GOLGA6L2: variants seen among roughly 807,000 people sequenced by gnomAD.
GOLGA6L2 encodes the protein golgin subfamily A member 6-like protein 2.
In GOLGA6L2, 30 loss-of-function variants were observed where a neutral mutation model predicts 35.9. The observed-to-expected ratio is 0.83, with a 90% confidence interval of 0.62 to 1.13. GOLGA6L2 has a LOEUF of 1.13. GOLGA6L2 is among the 50% of genes most tolerant of loss of function. The pLI, the probability that GOLGA6L2 is intolerant of heterozygous loss-of-function variation, is 0.00. For missense variants in GOLGA6L2, 821 were observed against 973.4 expected (o/e 0.84, Z 2.08); for synonymous variants, 297 against 344.0 (o/e 0.86, Z 1.51).
At position 23,439,495 on chromosome 15, in the gene GOLGA6L2, T is replaced by G; in HGVS notation, c.*250A>C. 1.0e-6 allele frequency: 1 copy of G among 993,564 alleles called. No individual in the cohort carries two copies. The highest frequency in any genetic ancestry group is 1.5e-5 in the South Asian group (1 of 65,716). The allele number at this position is 993,564 out of a possible 1,614,324, so 61.5% of individuals were successfully genotyped here. On this transcript the variant is annotated 3_prime_UTR_variant, in exon 8 of 8. Coordinates refer to ENST00000567107, the MANE Select transcript of GOLGA6L2 (RefSeq NM_001304388.2). ...TTGTGCTCAGACTATATTCACACAGTGACATGGCGGCTTATGCTTCTGTAG... is the reference window on the plus strand; with the variant it reads ...TTGTGCTCAGACTATATTCACACAGGGACATGGCGGCTTATGCTTCTGTAG...
Position 23,441,110 on chromosome 15 carries a change from C to T in GOLGA6L2, c.1365G>A (p.Arg455=), listed in dbSNP as rs1191698153. The T allele has an allele frequency of 1.4e-4, 208 of 1,530,704 alleles. No individual in the cohort carries two copies. The highest frequency in any genetic ancestry group is 3.0e-4 in the Admixed American group (15 of 50,236). The allele number at this position is 1,530,704 out of a possible 1,614,324, so 94.8% of individuals were successfully genotyped here. A position where few individuals can be genotyped will look rare whatever the true frequency, so the allele number is the denominator to read the frequency against. Residue 455 remains arginine (R), a synonymous_variant, in exon 8 of 8, where the codon CGG becomes CGA. Coordinates refer to ENST00000567107, the MANE Select transcript of GOLGA6L2 (RefSeq NM_001304388.2). ...CCTCCTCTTCCCGCATCTTCTTCTC[C>T]CGCTCCCGTATCCTCTCCTCCTCTT... is the stretch of plus-strand genomic sequence containing the variant. ...KMQEEERIRE[R]EKKMREEEET...
At position 23,444,632 on chromosome 15, in the gene GOLGA6L2, G is replaced by A. The variant is rs919166149; in HGVS notation, c.214-132C>T. The A allele has an allele frequency of 2.1e-5, 16 of 758,438 alleles. 1 individual carries two copies. Among genetic ancestry groups the A allele is most frequent in the Middle Eastern group, 7.2e-4 (2 of 2,768 alleles). The allele number at this position is 758,438 out of a possible 1,614,324, so 47.0% of individuals were successfully genotyped here. On this transcript the variant is annotated intron_variant, in intron 2 of 7. Transcript: ENST00000567107. The stretch of plus-strand genomic sequence containing the variant: ...TTCTCAGACCCAATGGGAACATGAA[G>A]TGGTAAACTCTCAACTCCCAAAGAA...
At position 23,441,345 on chromosome 15, in the gene GOLGA6L2, C is replaced by A; in HGVS notation, c.1130G>T (p.Arg377Met). 6.5e-7 allele frequency: 1 copy of A among 1,528,466 alleles called. No homozygotes were observed. The highest frequency in any genetic ancestry group is 8.8e-7 in the Non-Finnish European group (1 of 1,141,874). The allele number at this position is 1,528,466 out of a possible 1,614,324, so 94.7% of individuals were successfully genotyped here. The change falls in exon 8 of 8, where the codon AGG becomes ATG. Residue 377 changes from arginine to methionine, a missense_variant. By Grantham distance (91) the Arg-to-Met change is moderately conservative. Coordinates refer to ENST00000567107, the MANE Select transcript of GOLGA6L2 (RefSeq NM_001304388.2). The stretch of plus-strand genomic sequence containing the variant: ...CATCTGCTTCTCCTGCTCCCACAGC[C>A]TCTCCTCCTGTCTCCACATCTTCTC... ...QEEKMWRQEE[R>M]LWEQEKQMRE... is the part of the protein sequence containing the mutation.
intron 3 of GOLGA6L2, 71 bp downstream of exon 3, chr15:23,444,400 T>C (rs1596041853): frequency 4.5e-6 from 7 of 1,539,352 alleles, no homozygotes; most frequent in Non-Finnish European, 2.7e-6. Flanking sequence ...GTAGGCGAGA[T>C]GAGACGGGCC....
chr15:23,443,325 A>C (rs1402846993), intron 5 of GOLGA6L2, among the ~76,000 whole-genome samples: 1 of 152,058 alleles, frequency 6.6e-6, no homozygotes, highest in African/African-American at 2.4e-5. Flanking sequence ...CTGTCTCCTG[A>C]GTTTTTTATG....
In GOLGA6L2 at chr15:23,441,247, CCTT is replaced by C; in HGVS notation, c.1225_1227del (p.Lys409del). 1 of 1,539,330 alleles carries C rather than the reference CCTT, an allele frequency of 6.5e-7. No homozygotes were observed. Among genetic ancestry groups the C allele is most frequent in the Non-Finnish European group, 8.7e-7 (1 of 1,146,548 alleles). ...TTCTCCTGCTCCCGCATCCTCTCCTCCTTCTCCCGTAGCCTCTCGTCCTGCTCC... is the reference window on the plus strand; with the variant it reads ...TTCTCCTGCTCCCGCATCCTCTCCTCCTCCCGTAGCCTCTCGTCCTGCTCC... On this transcript the variant is annotated inframe_deletion, in exon 8 of 8. Coordinates refer to ENST00000567107, the MANE Select transcript of GOLGA6L2 (RefSeq NM_001304388.2).
Position 23,444,059 on chromosome 15 carries a change from T to C in GOLGA6L2, c.309A>G (p.Thr103=). Residue 103 remains threonine (T), a synonymous_variant, in exon 5 of 8, where the codon ACA becomes ACG. Coordinates refer to ENST00000567107, the MANE Select transcript of GOLGA6L2 (RefSeq NM_001304388.2). ...LRREIEAQDH[T]IRILTCQKTE... ...TTTTCTGACACGTGAGAATTCGTAT[T>C]GTATGATCCTGGGCCTTTGGGAGAA... 6.4e-7 allele frequency: 1 copy of C among 1,563,484 alleles called. No homozygotes were observed.
rs768700904 is a variant in GOLGA6L2 at position 23,443,866 on chromosome 15, C to A, written c.502G>T (p.Ala168Ser). 9 of 1,541,306 alleles carry A rather than the reference C, an allele frequency of 5.8e-6. No homozygotes were observed. The highest frequency in any genetic ancestry group is 7.8e-6 in the Non-Finnish European group (9 of 1,149,934). ...SLIPGESKDL[A>S]GRLHHSWHFA... ...TGCCAGGAATGATGCAAGCGGCCGG[C>A]GAGATCCTTGGACTCTCCTGGAATG... Residue 168 changes from alanine to serine, a missense_variant, in exon 5 of 8, where the codon GCC (alanine) becomes TCC (serine). Coordinates refer to ENST00000567107, the MANE Select transcript of GOLGA6L2 (RefSeq NM_001304388.2).
At position 23,443,917 on chromosome 15, in the gene GOLGA6L2, G is replaced by C. The variant is rs1397198898; in HGVS notation, c.451C>G (p.Pro151Ala). 1 of 1,549,426 alleles carries C rather than the reference G, an allele frequency of 6.5e-7. No individual in the cohort carries two copies. The highest frequency in any genetic ancestry group is 8.7e-7 in the Non-Finnish European group (1 of 1,153,982). The change falls in exon 5 of 8, where the codon CCT becomes GCT. Residue 151 changes from proline (P) to alanine (A), a missense_variant. Coordinates refer to ENST00000567107, the MANE Select transcript of GOLGA6L2 (RefSeq NM_001304388.2). ...LALSQAFRGS[P>A]LGCVSTSLIP... ...AGAGAGGTTGAGACACAGCCCAAAG[G>C]ACTCCCCCTAAAGGCCTGTGAAAGT...
chr15:23,446,972 A>G, intron 1 of GOLGA6L2, 126 bp downstream of exon 1: 1 of 579,506 alleles, frequency 1.7e-6, no homozygotes, highest in Non-Finnish European at 3.1e-6. Flanking sequence ...GGGGGAGCCC[A>G]GCGGCACTGG....
intron 6 of GOLGA6L2, 137 bp from the exon 7 acceptor site, chr15:23,442,257 G>A (rs1349467373): frequency 4.2e-6 from 5 of 1,199,250 alleles, no homozygotes; most frequent in African/African-American, 3.0e-5. Flanking sequence ...GTCCCAGGTG[G>A]CAGGCCAGAG....
chr15:23,443,798 T>A lies in GOLGA6L2; in HGVS notation c.570A>T (p.Thr190=). ...TTACCCTGTCTGCCTTCTTGTGCCATGTGGACACAGCAGAGAGAGCCCGCT... is the reference window on the plus strand; with the variant it reads ...TTACCCTGTCTGCCTTCTTGTGCCAAGTGGACACAGCAGAGAGAGCCCGCT... The part of the protein sequence containing the change: ...ELQRALSAVS[T]WHKKADRYIE... The change falls in exon 5 of 8, where the codon ACA becomes ACT. Residue 190 remains threonine (T), a synonymous_variant. Coordinates refer to ENST00000567107, the MANE Select transcript of GOLGA6L2 (RefSeq NM_001304388.2). 2.6e-6 allele frequency: 4 copies of A among 1,538,896 alleles called. No individual in the cohort carries two copies. The highest frequency in any genetic ancestry group is 1.2e-5 in the South Asian group (1 of 84,160).
Position 23,439,453 on chromosome 15 carries a change from T to C in GOLGA6L2, c.*292A>G, listed in dbSNP as rs1223215680. The stretch of plus-strand genomic sequence containing the variant: ...TTAAAGTAAATTTTCTTTTCTTTTT[T>C]TTTTTTTTTTTCAAGTTTGTGCTCA... On this transcript the variant is annotated 3_prime_UTR_variant, in exon 8 of 8. Transcript: ENST00000567107. 15 of 677,014 alleles carry C rather than the reference T, an allele frequency of 2.2e-5. No homozygotes were observed. Among genetic ancestry groups the C allele is most frequent in the East Asian group, 1.2e-4 (3 of 25,100 alleles). 41.9% of individuals were successfully genotyped at this position (677,014 alleles called of 1,614,324 possible).
rs2070725415 is a variant in GOLGA6L2 at position 23,443,780 on chromosome 15, G to A, written c.588C>T (p.Asp196=). ...SAVSTWHKKA[D]RYIEELTKER... is the part of the protein sequence containing the mutation. ...CTGGGGAGGTGATTGGACTTACCCT[G>A]TCTGCCTTCTTGTGCCATGTGGACA... Residue 196 remains aspartate (D), a synonymous_variant, in exon 5 of 8, where the codon GAC becomes GAT. Transcript: ENST00000567107. The A allele has an allele frequency of 3.3e-6, 5 of 1,536,712 alleles. No individual in the cohort carries two copies. Among genetic ancestry groups the A allele is most frequent in the Non-Finnish European group, 4.4e-6 (5 of 1,147,034 alleles).
In GOLGA6L2 at chr15:23,441,090, TC is replaced by T. The variant is rs1946540224; in HGVS notation, c.1384del (p.Glu462ArgfsTer516). The T allele has an allele frequency of 1.3e-6, 2 of 1,532,668 alleles. No individual in the cohort carries two copies. Among genetic ancestry groups the T allele is most frequent in the African/African-American group, 2.8e-5 (2 of 72,092 alleles). 94.9% of individuals were successfully genotyped at this position (1,532,668 alleles called of 1,614,324 possible). ...IREREKKMRE[E>X]EETMREQEEK... ...CTCCTGCTCCCGCATCGTCTCCTCC[TC>T]TTCCCGCATCTTCTTCTCCCGCTCC... On this transcript the variant is annotated frameshift_variant, in exon 8 of 8. Transcript: ENST00000567107. LOFTEE classifies it low-confidence loss of function (END_TRUNC).
rs555911163 is a variant in GOLGA6L2, at chr15:23,447,131, G to A, written c.51C>T (p.Thr17=). ...LPPHPMMSEK[T]RQNKLAEAKK... ...TGGCCTCAGCCAATTTGTTCTGTCT[G>A]GTTTTTTCTGACATCATGGGGTGGG... Residue 17 remains threonine, a synonymous_variant, in exon 1 of 8, where the codon ACC becomes ACT. Coordinates refer to ENST00000567107, the MANE Select transcript of GOLGA6L2 (RefSeq NM_001304388.2). 15 of 1,596,352 alleles carry A rather than the reference G, an allele frequency of 9.4e-6. No homozygotes were observed. In the South Asian group the frequency reaches 1.7e-4, roughly 18 times the overall value.
chr15:23,445,613 G>A (rs1166015009), intron 1 of GOLGA6L2, among the ~76,000 whole-genome samples, 175 bp from the exon 2 acceptor site: 1 of 152,002 alleles, frequency 6.6e-6, no homozygotes, highest in African/African-American at 2.4e-5. Flanking sequence ...TAAAAAAAAG[G>A]CAATAATGGA....
intron 1 of GOLGA6L2, among the ~76,000 whole-genome samples, chr15:23,446,634 A>G (rs1476623090): frequency 6.6e-6 from 1 of 152,120 alleles, no homozygotes; most frequent in South Asian, 2.1e-4. Flanking sequence ...GTTGGGACCC[A>G]GGTCCTTGGA....
At chr15:23,445,603 TAA>T (rs1377073326) in intron 1 of GOLGA6L2, among the ~76,000 whole-genome samples, 165 bp from the exon 2 acceptor site, 1 of 151,322 alleles carries the variant, frequency 6.6e-6, no homozygotes, top group Non-Finnish European at 1.5e-5. Context: ...ATACCATGGC[TAA>T]AAAAAAGGCA....
Sources: allele counts gnomAD v4.1 joint callset (sites outside exome capture counted in the v4.1 genomes callset), GRCh38; gene constraint gnomAD v4.1.1; transcripts MANE v1.5; gene names NCBI Gene and HGNC (gene_info 2026-07-23, HGNC 2026-07-21).